The following CCDC7 variants were observed in gnomAD, a reference collection of about 807,000 sequenced individuals.
CCDC7 encodes coiled-coil domain-containing protein 7.
Under a neutral mutation model 196.9 loss-of-function variants are expected in CCDC7, and 183 were observed. The ratio of observed to expected loss-of-function variants is 0.93; its 90% CI spans 0.82 to 1.05. CCDC7 has a LOEUF of 1.05. Ranked by LOEUF, CCDC7 falls within the 50% of genes least tolerant of loss-of-function variation. CCDC7 has a pLI of 0.00. For synonymous variants in CCDC7, 525 were observed against 484.6 expected, an observed-to-expected ratio of 1.08 and a Z score of -1.10; for missense variants, 1,540 against 1,482.2, an observed-to-expected ratio of 1.04 and a Z score of -0.64.
intron 20 of CCDC7, among the ~76,000 whole-genome samples, chr10:32,639,097 T>C (rs912607430): frequency 6.6e-6 from 1 of 152,330 alleles, no homozygotes; most frequent in East Asian, 1.9e-4. Flanking sequence ...TATTCTTTAT[T>C]GCTTCTATTT....
intron 32 of CCDC7, among the ~76,000 whole-genome samples, chr10:32,827,363 G>A (rs1267022702): frequency 6.6e-6 from 1 of 152,134 alleles, no homozygotes; most frequent in Non-Finnish European, 1.5e-5. Context: ...TTGATTATAT[G>A]GGACCTTTTC....
At chr10:32,711,130 A>G (rs182612513) in intron 24 of CCDC7, among the ~76,000 whole-genome samples, 5 of 143,886 alleles carry the variant, frequency 3.5e-5, no homozygotes, top group South Asian at 2.3e-4. Context: ...GTGTGTGTAT[A>G]TATATATAAA....
At chr10:32,717,469 G>C (rs139739762) in intron 25 of CCDC7, among the ~76,000 whole-genome samples, 4 of 152,068 alleles carry the variant, frequency 2.6e-5, no homozygotes, top group Non-Finnish European at 5.9e-5. Flanking sequence ...ACAATTAAAA[G>C]AACTAGAGAA....
chr10:32,675,353 G>A (rs2074764515), intron 21 of CCDC7, among the ~76,000 whole-genome samples: 1 of 146,614 alleles, frequency 6.8e-6, no homozygotes, highest in African/African-American at 2.6e-5. Flanking sequence ...ATTTTAAATT[G>A]TTATCTATTT....
intron 28 of CCDC7, among the ~76,000 whole-genome samples, chr10:32,737,115 A>G (rs1029552017): frequency 1.3e-5 from 2 of 152,078 alleles, no homozygotes; most frequent in African/African-American, 2.4e-5. Context: ...TTTCTTATTG[A>G]TCATATAATT....
At chr10:32,587,115 C>T (rs77929805) in intron 18 of CCDC7, among the ~76,000 whole-genome samples, 15 of 152,194 alleles carry the variant, frequency 9.9e-5, no homozygotes, top group Middle Eastern at 6.8e-3. Context: ...AATTCAGTGG[C>T]GTTAATTACA....
At chr10:32,876,997 T>A (rs2094613715), downstream of CCDC7, 1 of 152,064 alleles carries the variant, frequency 6.6e-6, no homozygotes, top group Non-Finnish European at 1.5e-5. Flanking sequence ...CTTTTATGCC[T>A]TAAATTTTCC....
In CCDC7 at chr10:32,816,503, C is replaced by T. The variant is rs182211425; in HGVS notation, c.3181+2050C>T. Reference sequence around the variant, plus strand: ...GAAGAGAGTAGTGGTTCTCCTAGCACGCAGCTGGAGATCTGAGAATGGACA... The same window carrying T: ...GAAGAGAGTAGTGGTTCTCCTAGCATGCAGCTGGAGATCTGAGAATGGACA... On this transcript the variant is annotated intron_variant, in intron 31 of 41. Transcript: ENST00000639629. Among the ~76,000 whole-genome samples, 1,177 of 152,320 alleles carry T rather than the reference C, an allele frequency of 7.7e-3. 14 individuals are homozygous for T. The highest frequency in any genetic ancestry group is 0.027 in the African/African-American group (1,107 of 41,578).
At chr10:32,708,011 C>T (rs536316607) in intron 24 of CCDC7, among the ~76,000 whole-genome samples, 17 of 152,130 alleles carry the variant, frequency 1.1e-4, no homozygotes, top group Admixed American at 7.9e-4. Context: ...CCCGCATCGC[C>T]GAGACAATCC....
chr10:32,456,289 G>C, exon 3 of CCDC7: 1 of 1,568,536 alleles, frequency 6.4e-7, no homozygotes. Context: ...CATATTGTTC[G>C]CAATTTGCAG....
At chr10:32,791,320 A>AT (rs1474855331) in intron 29 of CCDC7, among the ~76,000 whole-genome samples, 1 of 152,176 alleles carries the variant, frequency 6.6e-6, no homozygotes, top group Non-Finnish European at 1.5e-5. Flanking sequence ...ACACAGGTAC[A>AT]TAAGAATCAT....
chr10:32,472,923 T>C lies in CCDC7; in HGVS notation c.739+381T>C, dbSNP rs139211930. Among the ~76,000 whole-genome samples the C allele has an allele frequency of 9.4e-4, 143 of 152,352 alleles. 1 individual carries two copies. The highest frequency in any genetic ancestry group is 2.1e-3 in the Admixed American group (32 of 15,304). ...TTTGACTTTTGTGGGGTTTCCTAAGTGTATGAACATTTTGAGACTTAAAGT... is the reference window on the plus strand; with the variant it reads ...TTTGACTTTTGTGGGGTTTCCTAAGCGTATGAACATTTTGAGACTTAAAGT... On this transcript the variant is annotated intron_variant, in intron 7 of 41. Coordinates refer to ENST00000639629, the Ensembl canonical transcript of CCDC7.
intron 15 of CCDC7, among the ~76,000 whole-genome samples, chr10:32,571,063 T>C (rs2057490111): frequency 7.0e-6 from 1 of 142,434 alleles, no homozygotes; most frequent in South Asian, 2.4e-4. Context: ...TGGAGTGCAG[T>C]GGTGAGATCT....
intron 3 of CCDC7, among the ~76,000 whole-genome samples, chr10:32,461,731 G>A (rs2947056): frequency 0.033 from 1,084 of 32,484 alleles, 42 homozygotes; most frequent in East Asian, 0.13. Context: ...ATATATATAT[G>A]TATATATATA....
chr10:32,738,927 A>G (rs1328974072), intron 28 of CCDC7, among the ~76,000 whole-genome samples: 1 of 151,886 alleles, frequency 6.6e-6, no homozygotes, highest in Non-Finnish European at 1.5e-5. Context: ...TTTTTTTCTG[A>G]GAATGTTTTT....
intron 20 of CCDC7, among the ~76,000 whole-genome samples, chr10:32,653,090 A>G (rs751958493): frequency 2.2e-4 from 34 of 152,152 alleles, no homozygotes; most frequent in Non-Finnish European, 4.0e-4. Context: ...TAGGTTGTCA[A>G]TTCTTTTCCT....
At chr10:32,749,967 T>C (rs1428928497) in intron 28 of CCDC7, among the ~76,000 whole-genome samples, 1 of 152,204 alleles carries the variant, frequency 6.6e-6, no homozygotes. Flanking sequence ...ATATTGATTT[T>C]AAGATAACAG....
chr10:32,623,814 C>T, intron 18 of CCDC7: 1 of 469,916 alleles, frequency 2.1e-6, no homozygotes, highest in Non-Finnish European at 4.4e-6. Context: ...AGATATGTCA[C>T]ACGGTGAGTG....
At position 32,649,469 on chromosome 10, in the gene CCDC7, C is replaced by T. The variant is rs536584984; in HGVS notation, c.2014+14311C>T. Among the ~76,000 whole-genome samples, 21 of 152,286 alleles carry T rather than the reference C, an allele frequency of 1.4e-4. No homozygotes were observed. The South Asian group carries it at 3.9e-3, about 29-fold the overall frequency. ...TCTAAGGATTTTTCTTTTGCAATCC[C>T]TTTGATGAATCTGATGATTAATTGC... On this transcript the variant is annotated intron_variant, in intron 20 of 41. Coordinates refer to ENST00000639629, the Ensembl canonical transcript of CCDC7.
Sources: allele counts gnomAD v4.1 joint callset (sites outside exome capture counted in the v4.1 genomes callset), GRCh38; gene constraint gnomAD v4.1.1; transcripts MANE v1.5; gene names NCBI Gene and HGNC (gene_info 2026-07-23, HGNC 2026-07-21).